ZNF431: variants seen among roughly 807,000 people sequenced by gnomAD.
ZNF431 encodes the protein zinc finger protein 431.
A neutral mutation model predicts 57.0 loss-of-function variants in ZNF431; 34 were observed. The ratio of observed to expected loss-of-function variants is 0.60; its 90% CI spans 0.45 to 0.79. The LOEUF is 0.79. Among genes scored for constraint, ZNF431 ranks in the 30% least tolerant of loss-of-function variants. The pLI, the probability that ZNF431 is intolerant of heterozygous loss-of-function variation, is 0.00. For missense variants in ZNF431, 607 were observed against 667.1 expected (o/e 0.91, Z 0.99); for synonymous variants, 207 against 220.3 (o/e 0.94, Z 0.54).
intron 2 of ZNF431, among the ~76,000 whole-genome samples, chr19:21,159,132 A>G (rs903605144): frequency 6.6e-6 from 1 of 151,986 alleles, no homozygotes; most frequent in Admixed American, 6.6e-5. Context: ...TAATTGTTGT[A>G]TGTTGAAAAA....
At position 21,156,150 on chromosome 19, in the gene ZNF431, G is replaced by A. The variant is rs148801022; in HGVS notation, c.97-10185G>A. Among the ~76,000 whole-genome samples, 627 of 152,270 alleles carry A rather than the reference G, an allele frequency of 4.1e-3. 4 individuals carry two copies. The highest frequency in any genetic ancestry group is 0.014 in the African/African-American group (581 of 41,556). On this transcript the variant is annotated intron_variant, in intron 2 of 4. Transcript: ENST00000311048. ...TTTCTTGACAAAAACCCACAAAAGT[G>A]TCTACAAGTCTCCTGGCATATCCCC...
chr19:21,170,248 A>G (rs989070897), intron 4 of ZNF431, among the ~76,000 whole-genome samples: 5 of 152,120 alleles, frequency 3.3e-5, no homozygotes, highest in African/African-American at 4.8e-5. Flanking sequence ...TCCAACCTCA[A>G]TGTACCATGT....
At position 21,156,806 on chromosome 19, in the gene ZNF431, A is replaced by T. The variant is rs149776423; in HGVS notation, c.97-9529A>T. ...TTAATTTATTTGGAGACTGTGTTTCACTCTGTCACAAAGGCTGAAGTGCAG... is the reference window on the plus strand; with the variant it reads ...TTAATTTATTTGGAGACTGTGTTTCTCTCTGTCACAAAGGCTGAAGTGCAG... On this transcript the variant is annotated intron_variant, in intron 2 of 4. Transcript: ENST00000311048. Among the ~76,000 whole-genome samples, 276 of 151,414 alleles carry T rather than the reference A, an allele frequency of 1.8e-3. 2 individuals are homozygous for T. The highest frequency in any genetic ancestry group is 6.5e-3 in the African/African-American group (268 of 41,238).
intron 4 of ZNF431, chr19:21,169,759 A>G (rs1335602202): frequency 2.5e-6 from 1 of 398,468 alleles, no homozygotes; most frequent in Non-Finnish European, 4.4e-6. Flanking sequence ...TTCACTGAAT[A>G]CCAGAGAGGA....
At chr19:21,145,407 G>A (rs1970056386) in intron 2 of ZNF431, among the ~76,000 whole-genome samples, 1 of 152,202 alleles carries the variant, frequency 6.6e-6, no homozygotes, top group South Asian at 2.1e-4. Context: ...AACCCGAGAG[G>A]CGGAGCTTAC....
intron 2 of ZNF431, among the ~76,000 whole-genome samples, chr19:21,151,724 C>A (rs568013897): frequency 2.0e-5 from 3 of 152,272 alleles, no homozygotes; most frequent in Non-Finnish European, 4.4e-5. Context: ...TGCATTCTAT[C>A]CTAAGGTACC....
intron 2 of ZNF431, among the ~76,000 whole-genome samples, chr19:21,162,264 A>G (rs1023743103): frequency 3.3e-5 from 5 of 151,528 alleles, no homozygotes; most frequent in East Asian, 3.9e-4. Flanking sequence ...ACCTCCATCT[A>G]TGGGAGTCAA....
intron 4 of ZNF431, among the ~76,000 whole-genome samples, 157 bp downstream of exon 4, chr19:21,167,823 T>C (rs979852851): frequency 6.6e-6 from 1 of 152,208 alleles, no homozygotes; most frequent in Admixed American, 6.6e-5. Context: ...TTTTCTTACA[T>C]AGGGACATCT....
chr19:21,172,260 C>T (rs572297111), intron 4 of ZNF431, among the ~76,000 whole-genome samples: 1 of 151,220 alleles, frequency 6.6e-6, no homozygotes, highest in South Asian at 2.1e-4. Flanking sequence ...GAAACCCTGT[C>T]TCTACTAAAA....
chr19:21,164,164 G>A lies in ZNF431; in HGVS notation c.97-2171G>A, dbSNP rs561271793. 1.7e-3 allele frequency among the ~76,000 whole-genome samples: 257 copies of A among 151,928 alleles called. 4 individuals are homozygous for A. In the South Asian group the frequency reaches 0.033, roughly 20 times the overall value. ...TATTGTTCTGGGTGGAAGCATCCAT[G>A]TTGTTTTAATGAAGGGCCTCATGTG... is the stretch of plus-strand genomic sequence containing the variant. On this transcript the variant is annotated intron_variant, in intron 2 of 4. Coordinates refer to ENST00000311048, the MANE Select transcript of ZNF431 (RefSeq NM_133473.4).
In ZNF431 at chr19:21,187,100, A is replaced by G. The variant is rs1000855702; in HGVS notation, c.*3066A>G. 2.6e-5 allele frequency: 4 copies of G among 152,220 alleles called. No homozygotes were observed. The highest frequency in any genetic ancestry group is 4.4e-5 in the Non-Finnish European group (3 of 68,030). 9.4% of individuals were successfully genotyped at this position (152,220 alleles called of 1,614,324 possible). A position where few individuals can be genotyped will look rare whatever the true frequency, so the allele number is the denominator to read the frequency against. On this transcript the variant is annotated 3_prime_UTR_variant, in exon 5 of 5. Transcript: ENST00000311048. ...TGAAGTTAGTTTGTAACTTCAAGTC[A>G]AAGATGAAAAATATCAATGGTGAAG...
At chr19:21,178,714 C>T (rs565002464) in intron 4 of ZNF431, among the ~76,000 whole-genome samples, 3 of 151,732 alleles carry the variant, frequency 2.0e-5, no homozygotes, top group Non-Finnish European at 4.4e-5. Context: ...AGCTTTTTGA[C>T]GTGCTGCTGG....
intron 2 of ZNF431, among the ~76,000 whole-genome samples, chr19:21,160,958 A>C (rs1294913546): frequency 2.0e-5 from 3 of 152,158 alleles, no homozygotes; most frequent in Non-Finnish European, 4.4e-5. Context: ...TCACGAGGTC[A>C]AAACATCAAG....
At chr19:21,164,836 C>T (rs549799718) in intron 2 of ZNF431, among the ~76,000 whole-genome samples, 5 of 151,948 alleles carry the variant, frequency 3.3e-5, no homozygotes, top group Admixed American at 1.3e-4. Context: ...TCTGGCTGGG[C>T]GCGGTGGCTC....
In ZNF431 at chr19:21,154,959, A is replaced by T. The variant is rs531176049; in HGVS notation, c.96+11316A>T. Among the ~76,000 whole-genome samples, 381 of 152,184 alleles carry T rather than the reference A, an allele frequency of 2.5e-3. 3 individuals carry two copies. The highest frequency in any genetic ancestry group is 9.0e-3 in the African/African-American group (374 of 41,512). On this transcript the variant is annotated intron_variant, in intron 2 of 4. Coordinates refer to ENST00000311048, the MANE Select transcript of ZNF431 (RefSeq NM_133473.4). ...GAGTAGATTGCAAAAATTTTCTCCC[A>T]TTCTGTAAGTTGCCTGTTCACTCTG... is the stretch of plus-strand genomic sequence containing the variant.
At chr19:21,149,240 A>C (rs1396408002) in intron 2 of ZNF431, among the ~76,000 whole-genome samples, 1 of 152,238 alleles carries the variant, frequency 6.6e-6, no homozygotes, top group Non-Finnish European at 1.5e-5. Context: ...GCTTCAAGAT[A>C]GGTAAATTGA....
At chr19:21,150,052 C>G (rs1239764954) in intron 2 of ZNF431, 1 of 615,302 alleles carries the variant, frequency 1.6e-6, no homozygotes, top group African/African-American at 1.8e-5. Context: ...CACGTGGTCT[C>G]TTAATAAGGA....
At chr19:21,154,144 G>A (rs1376164269) in intron 2 of ZNF431, among the ~76,000 whole-genome samples, 1 of 152,062 alleles carries the variant, frequency 6.6e-6, no homozygotes, top group African/African-American at 2.4e-5. Context: ...TTTAACATTA[G>A]GTATATCTCC....
At chr19:21,143,788 A>G (rs1970007631) in intron 2 of ZNF431, 145 bp downstream of exon 2, 1 of 515,610 alleles carries the variant, frequency 1.9e-6, no homozygotes, top group Non-Finnish European at 3.4e-6. Context: ...TAGGGGGCAG[A>G]AAGATAATGA....
Sources: gnomAD v4.1 joint callset for allele counts (sites outside exome capture counted in the v4.1 genomes callset) on GRCh38, gnomAD v4.1.1 for gene constraint, MANE v1.5 for transcripts, NCBI Gene and HGNC (gene_info 2026-07-23, HGNC 2026-07-21) for gene names.